The following MROH9 variants were observed in gnomAD, a reference collection of about 807,000 sequenced individuals.
MROH9 encodes the protein maestro heat-like repeat-containing protein family member 9.
A neutral mutation model predicts 98.2 loss-of-function variants in MROH9; 92 were observed. The ratio of observed to expected loss-of-function variants is 0.94; its 90% CI spans 0.79 to 1.11. MROH9 has a LOEUF of 1.11. MROH9 is among the 50% of genes most tolerant of loss of function. The probability of loss-of-function intolerance (pLI) is 0.00; values close to 1 mark genes in which losing one functional copy is unlikely to be tolerated. For synonymous variants in MROH9, 397 were observed against 368.9 expected, an observed-to-expected ratio of 1.08 and a Z score of -0.87; for missense variants, 1,057 against 1,014.8, an observed-to-expected ratio of 1.04 and a Z score of -0.57.
At chr1:170,957,166 G>C (rs1241443474) in intron 3 of MROH9, among the ~76,000 whole-genome samples, 6 of 152,120 alleles carry the variant, frequency 3.9e-5, no homozygotes, top group African/African-American at 1.4e-4. Context: ...GCAGAAGCTT[G>C]TTAGTTTGAT....
At chr1:171,010,634 G>C (rs1652117456) in intron 15 of MROH9, among the ~76,000 whole-genome samples, 1 of 152,098 alleles carries the variant, frequency 6.6e-6, no homozygotes, top group African/African-American at 2.4e-5. Flanking sequence ...ATTCTAACTG[G>C]TGTGAGATGT....
intron 1 of MROH9, among the ~76,000 whole-genome samples, chr1:170,938,848 T>C (rs1445526700): frequency 6.6e-6 from 1 of 152,222 alleles, no homozygotes; most frequent in Non-Finnish European, 1.5e-5. Context: ...CATCAAGGAC[T>C]CAGTGTTTTT....
At chr1:170,991,463 G>A (rs937770746) in intron 11 of MROH9, among the ~76,000 whole-genome samples, 1 of 152,122 alleles carries the variant, frequency 6.6e-6, no homozygotes, top group Non-Finnish European at 1.5e-5. Context: ...AACACAGAAG[G>A]CTGAGCAATA....
intron 20 of MROH9, among the ~76,000 whole-genome samples, chr1:171,025,825 C>A (rs1330577821): frequency 6.6e-6 from 1 of 152,122 alleles, no homozygotes; most frequent in Non-Finnish European, 1.5e-5. Flanking sequence ...ACCAAACCCA[C>A]TAAAGTTTTA....
intron 15 of MROH9, among the ~76,000 whole-genome samples, chr1:171,013,182 A>T (rs1652217421): frequency 6.6e-6 from 1 of 152,194 alleles, no homozygotes; most frequent in South Asian, 2.1e-4. Context: ...AATCTACATT[A>T]CACAATGTAA....
chr1:171,063,252 AT>A (rs11385110), intron 21 of MROH9, among the ~76,000 whole-genome samples: 1,983 of 124,886 alleles, frequency 0.016, 34 homozygotes, highest in African/African-American at 0.053. Flanking sequence ...ATTATCCCGG[AT>A]TTTTTTTTTT....
At chr1:170,952,795 T>C (rs1208134105) in intron 3 of MROH9, among the ~76,000 whole-genome samples, 1 of 151,588 alleles carries the variant, frequency 6.6e-6, no homozygotes, top group African/African-American at 2.4e-5. Flanking sequence ...TTAGCAACAG[T>C]ATCAATGCCT....
intron 20 of MROH9, among the ~76,000 whole-genome samples, chr1:171,043,492 A>G (rs1653371490): frequency 6.6e-6 from 1 of 151,958 alleles, no homozygotes; most frequent in African/African-American, 2.4e-5. Flanking sequence ...ATTTTAGAAT[A>G]GTATTTTCTA....
chr1:170,989,980 G>A lies in MROH9; in HGVS notation c.1005G>A (p.Met335Ile). 6.2e-7 allele frequency: 1 copy of A among 1,612,178 alleles called. No individual in the cohort carries two copies. Among genetic ancestry groups the A allele is most frequent in the Non-Finnish European group, 8.5e-7 (1 of 1,178,774 alleles). Residue 335 changes from methionine to isoleucine, a missense_variant, in exon 11 of 22, where the codon ATG (methionine) becomes ATA (isoleucine). Met to Ile is a conservative substitution (Grantham distance 10, BLOSUM62 1). Coordinates refer to ENST00000367759, the MANE Select transcript of MROH9 (RefSeq NM_001163629.2). ...TSPKKVIFQL[M>I]DYPVPADDTL... ...CCAAGAAGGTCATCTTTCAACTTAT[G>A]GACTACCCAGTTCCAGCAGACGAGT...
chr1:170,991,513 T>C (rs902463174), intron 11 of MROH9, among the ~76,000 whole-genome samples: 1 of 152,066 alleles, frequency 6.6e-6, no homozygotes, highest in African/African-American at 2.4e-5. Flanking sequence ...GTATCAGAAA[T>C]ACATCGGTGT....
At chr1:170,937,775 G>C (rs867225594) in intron 1 of MROH9, among the ~76,000 whole-genome samples, 34 of 151,908 alleles carry the variant, frequency 2.2e-4, no homozygotes, top group African/African-American at 8.0e-4. Flanking sequence ...CGCCCGCCTC[G>C]GCCTCCCAAA....
At chr1:171,062,503 C>T (rs938331694) in intron 21 of MROH9, among the ~76,000 whole-genome samples, 3 of 152,198 alleles carry the variant, frequency 2.0e-5, no homozygotes, top group African/African-American at 7.2e-5. Flanking sequence ...CTCATTTACT[C>T]ATTCATCTAA....
chr1:171,064,033 AG>A (rs1365741108), intron 21 of MROH9, 65 bp from the exon 22 acceptor site: 1 of 1,448,200 alleles, frequency 6.9e-7, no homozygotes, highest in Non-Finnish European at 9.2e-7. Flanking sequence ...AGGGCTGTTT[AG>A]TATTAAAGCT....
chr1:171,009,127 G>A (rs2101827159), intron 15 of MROH9, among the ~76,000 whole-genome samples: 1 of 151,828 alleles, frequency 6.6e-6, no homozygotes, highest in Non-Finnish European at 1.5e-5. Context: ...TTACTTTAAA[G>A]GACATGGGAG....
intron 20 of MROH9, among the ~76,000 whole-genome samples, chr1:171,037,863 G>A (rs1456385004): frequency 1.3e-5 from 2 of 151,962 alleles, no homozygotes; most frequent in East Asian, 3.9e-4. Context: ...ATGACATTGG[G>A]ACACCTGCTG....
intron 3 of MROH9, among the ~76,000 whole-genome samples, chr1:170,953,062 T>C (rs1182128258): frequency 6.6e-6 from 1 of 152,132 alleles, no homozygotes; most frequent in Non-Finnish European, 1.5e-5. Context: ...CCTTCCAGAA[T>C]TTCTCTTGGC....
chr1:170,957,490 GATTT>G (rs1472485005), intron 3 of MROH9, among the ~76,000 whole-genome samples: 1 of 152,108 alleles, frequency 6.6e-6, no homozygotes, highest in Non-Finnish European at 1.5e-5. Flanking sequence ...TATATTAATA[GATTT>G]ATTTCTGGGC....
intron 4 of MROH9, among the ~76,000 whole-genome samples, chr1:170,958,997 C>A (rs1467743515): frequency 6.6e-6 from 1 of 152,002 alleles, no homozygotes; most frequent in African/African-American, 2.4e-5. Context: ...TTTATTTTTA[C>A]AACATTATTA....
intron 1 of MROH9, among the ~76,000 whole-genome samples, chr1:170,936,549 A>G (rs1648890887): frequency 6.6e-6 from 1 of 152,136 alleles, no homozygotes; most frequent in Admixed American, 6.5e-5. Flanking sequence ...ACCCCAAAAT[A>G]ATGTTTACCA....
Sources: gnomAD v4.1 joint callset for allele counts (sites outside exome capture counted in the v4.1 genomes callset) on GRCh38, gnomAD v4.1.1 for gene constraint, MANE v1.5 for transcripts, NCBI Gene and HGNC (gene_info 2026-07-23, HGNC 2026-07-21) for gene names.